Variants in ADGRD1 observed in about 807,000 individuals in gnomAD.
ADGRD1 encodes the protein G-protein coupled receptor 133.
ADGRD1 carries 77 observed loss-of-function variants against 113.4 expected under a neutral mutation model. The observed-to-expected ratio is 0.68, with a 90% CI of 0.57 to 0.82. The LOEUF is 0.82. Among genes scored for constraint, ADGRD1 ranks in the 40% least tolerant of loss-of-function variants. The pLI is 0.00. For synonymous variants in ADGRD1, 474 were observed against 475.0 expected (o/e 1.00, Z 0.03); for missense variants, 1,036 against 1,139.1 (o/e 0.91, Z 1.30).
At chr12:131,025,803 G>A (rs894945598) in intron 13 of ADGRD1, 2 of 152,348 alleles carry the variant, frequency 1.3e-5, no homozygotes, top group African/African-American at 2.4e-5. Context: ...CCAAAGTGCT[G>A]GGATTACAGG....
chr12:131,080,825 T>G (rs1886009247), intron 14 of ADGRD1, among the ~76,000 whole-genome samples: 2 of 152,300 alleles, frequency 1.3e-5, no homozygotes, highest in South Asian at 4.2e-4. Context: ...TTTCACCGTG[T>G]TAGCCAGGAT....
chr12:131,073,256 C>T (rs1261399731), intron 13 of ADGRD1, among the ~76,000 whole-genome samples: 1 of 152,240 alleles, frequency 6.6e-6, no homozygotes, highest in Non-Finnish European at 1.5e-5. Flanking sequence ...TCAGAAAGCA[C>T]CAAGAGATAG....
At chr12:130,973,964 C>A (rs1363637827) in intron 4 of ADGRD1, among the ~76,000 whole-genome samples, 3 of 152,170 alleles carry the variant, frequency 2.0e-5, no homozygotes, top group African/African-American at 4.8e-5. Flanking sequence ...AGTCAGGAAA[C>A]CTTCAATCAA....
Position 130,954,558 on chromosome 12 carries a change from C to T in ADGRD1, c.66+27C>T, listed in dbSNP as rs773321501. 2.7e-5 allele frequency: 44 copies of T among 1,613,164 alleles called. No individual in the cohort carries two copies. The Middle Eastern group carries it at 4.9e-4, about 18-fold the overall frequency. On this transcript the variant is annotated intron_variant, in intron 1 of 24. Transcript: ENST00000261654. The surrounding 1 kb of genome is among the most constrained non-coding windows in gnomAD (Gnocchi z 4.7). ...TAATGTCCCCAAGTGGCCAGGATGGCGACAGGCTTGGTTTCTCCGGAGGCT... is the reference window on the plus strand; with the variant it reads ...TAATGTCCCCAAGTGGCCAGGATGGTGACAGGCTTGGTTTCTCCGGAGGCT...
intron 19 of ADGRD1, among the ~76,000 whole-genome samples, chr12:131,119,739 G>A (rs1950547524): frequency 6.6e-6 from 1 of 152,204 alleles, no homozygotes; most frequent in African/African-American, 2.4e-5. Context: ...TCGCACCTTT[G>A]CAGAGGTACC....
intron 13 of ADGRD1, among the ~76,000 whole-genome samples, chr12:131,019,018 G>C (rs1878980239): frequency 6.6e-6 from 1 of 152,234 alleles, no homozygotes; most frequent in Non-Finnish European, 1.5e-5. Context: ...AACAGCCGTG[G>C]TGGCCCAGCC....
intron 2 of ADGRD1, among the ~76,000 whole-genome samples, chr12:130,964,361 T>C (rs970369051): frequency 6.6e-6 from 1 of 152,158 alleles, no homozygotes; most frequent in African/African-American, 2.4e-5. Flanking sequence ...CCAATGTCTT[T>C]GTTGAATAAT....
At chr12:131,043,090 C>T (rs1007519644) in intron 13 of ADGRD1, among the ~76,000 whole-genome samples, 7 of 152,222 alleles carry the variant, frequency 4.6e-5, no homozygotes, top group African/African-American at 1.7e-4. Flanking sequence ...GCCTCAAGTA[C>T]ATCAACCCAA....
At chr12:131,110,063 C>G (rs1378580161) in intron 18 of ADGRD1, among the ~76,000 whole-genome samples, 2 of 152,226 alleles carry the variant, frequency 1.3e-5, no homozygotes, top group Non-Finnish European at 2.9e-5. Context: ...TATTTTCCAT[C>G]CTTTTACTTT....
intron 21 of ADGRD1, among the ~76,000 whole-genome samples, chr12:131,134,417 A>G (rs1004571064): frequency 1.3e-5 from 2 of 152,170 alleles, no homozygotes; most frequent in African/African-American, 4.8e-5. Context: ...ATCTTCTTCT[A>G]TTGTTCATTT....
At chr12:130,996,974 C>T (rs1875534545) in intron 8 of ADGRD1, among the ~76,000 whole-genome samples, 2 of 136,770 alleles carry the variant, frequency 1.5e-5, no homozygotes, top group South Asian at 2.3e-4. Context: ...ACCCCCCAAC[C>T]TCCCTCCCGG....
rs904657891 is a variant in ADGRD1, at chr12:131,084,021, C to G, written c.1548-519C>G. On this transcript the variant is annotated intron_variant, in intron 14 of 24. Transcript: ENST00000261654. This position sits in a 1 kb window ranked among gnomAD's most constrained non-coding sequence, Gnocchi z 4.5. The stretch of plus-strand genomic sequence containing the variant: ...TTGTGTTTTGGTATTTTATCCTTAT[C>G]AGTGCACATTGGTCAAGGATGTTCT... 3.3e-5 allele frequency among the ~76,000 whole-genome samples: 5 copies of G among 152,196 alleles called. No individual in the cohort carries two copies. The highest frequency in any genetic ancestry group is 1.2e-4 in the African/African-American group (5 of 41,450).
At chr12:131,088,648 A>G (rs955071881) in intron 15 of ADGRD1, among the ~76,000 whole-genome samples, 3 of 152,076 alleles carry the variant, frequency 2.0e-5, no homozygotes, top group Admixed American at 1.3e-4. Context: ...CAGGGGCTCC[A>G]GGCCCAGGGG....
intron 8 of ADGRD1, among the ~76,000 whole-genome samples, chr12:130,999,355 G>A (rs1348108637): frequency 6.6e-6 from 1 of 152,230 alleles, no homozygotes; most frequent in African/African-American, 2.4e-5. Context: ...TAAGAAGTTT[G>A]CTGCCCCTGC....
At chr12:131,049,403 G>C (rs916763988) in intron 13 of ADGRD1, among the ~76,000 whole-genome samples, 2 of 152,158 alleles carry the variant, frequency 1.3e-5, no homozygotes, top group African/African-American at 2.4e-5. Flanking sequence ...TCCTCCACTC[G>C]ATGTGGAGAA....
At chr12:130,998,303 G>T (rs1875884314) in intron 8 of ADGRD1, among the ~76,000 whole-genome samples, 1 of 152,174 alleles carries the variant, frequency 6.6e-6, no homozygotes, top group South Asian at 2.1e-4. Context: ...TGCCATCCCT[G>T]TGGGACCCCT....
rs1950165313 is a variant in ADGRD1 at position 131,104,034 on chromosome 12, G to A, written c.1672-797G>A. ...CTGGATTGTGCGGTCGGTGAACTGC[G>A]GCTTCGGTTCTATCCTTTGTGGCCC... On this transcript the variant is annotated intron_variant, in intron 15 of 24. Coordinates refer to ENST00000261654, the MANE Select transcript of ADGRD1 (RefSeq NM_198827.5). Among the ~76,000 whole-genome samples, 5 of 152,222 alleles carry A rather than the reference G, an allele frequency of 3.3e-5. No homozygotes were observed. In the South Asian group the frequency reaches 6.2e-4, roughly 19 times the overall value.
intron 19 of ADGRD1, among the ~76,000 whole-genome samples, chr12:131,119,903 T>TGGGGAGGAATGGGGGC (rs1950552034): frequency 6.6e-6 from 1 of 152,092 alleles, no homozygotes; most frequent in Non-Finnish European, 1.5e-5. Flanking sequence ...CGGGAGGCTT[T>TGGGGAGGAATGGGGGC]GGGGAGGAAT....
rs1345057480 is a variant in ADGRD1 at position 130,984,808 on chromosome 12, C to T, written c.491-2287C>T. Among the ~76,000 whole-genome samples, 1 of 144,074 alleles carries T rather than the reference C, an allele frequency of 6.9e-6. No homozygotes were observed. The highest frequency in any genetic ancestry group is 1.6e-5 in the Non-Finnish European group (1 of 63,350). The allele number at this position is 144,074 out of a possible 152,430, so 94.5% of individuals were successfully genotyped here. ...TCTCTTTTCCTTCTTTCCCTCCCTC[C>T]CTTCCTCCCTCCCTTCCTTCCTTCC... On this transcript the variant is annotated intron_variant, in intron 5 of 24. Coordinates refer to ENST00000261654, the MANE Select transcript of ADGRD1 (RefSeq NM_198827.5). The surrounding 1 kb of genome is among the most constrained non-coding windows in gnomAD (Gnocchi z 4.1).
Sources: gnomAD v4.1 joint callset for allele counts (sites outside exome capture counted in the v4.1 genomes callset) on GRCh38, gnomAD v4.1.1 for gene constraint, Gnocchi (gnomAD v3.1) non-coding constraint, MANE v1.5 for transcripts, NCBI Gene and HGNC (gene_info 2026-07-23, HGNC 2026-07-21) for gene names.